Variants in NAT9 observed in about 807,000 individuals in gnomAD.
NAT9 encodes alpha/beta-tubulin-N-acetyltransferase 9.
A neutral mutation model predicts 24.0 loss-of-function variants in NAT9; 18 were observed. That is an observed-to-expected ratio of 0.75 (90% CI 0.52 to 1.11). The LOEUF (loss-of-function observed/expected upper bound fraction) is 1.11. NAT9 is among the 50% of genes most tolerant of loss of function. NAT9 has a pLI of 0.00. For missense variants in NAT9, 254 were observed against 258.6 expected, an observed-to-expected ratio of 0.98 and a Z score of 0.12; for synonymous variants, 104 against 102.3, an observed-to-expected ratio of 1.02 and a Z score of -0.10.
chr17:74,775,595 GC>G, intron 2 of NAT9, 26 bp downstream of exon 2: 1 of 1,599,108 alleles, frequency 6.3e-7, no homozygotes, highest in Non-Finnish European at 8.6e-7. Flanking sequence ...GTGCTGATAC[GC>G]ACCCCATGTC....
Position 74,772,187 on chromosome 17 carries a change from C to T in NAT9, c.394+31G>A, listed in dbSNP as rs759602450. On this transcript the variant is annotated intron_variant, in intron 5 of 6. Transcript: ENST00000357814. ...ACAAAGTTCACCTGGGGCCTGCCCACTTCCCGCATTGTCTGCTCACACTTT... is the reference window on the plus strand; with the variant it reads ...ACAAAGTTCACCTGGGGCCTGCCCATTTCCCGCATTGTCTGCTCACACTTT... 20 of 1,614,250 alleles carry T rather than the reference C, an allele frequency of 1.2e-5. No individual in the cohort carries two copies. In the South Asian group the frequency reaches 1.9e-4, roughly 15 times the overall value.
At position 74,772,221 on chromosome 17, in the gene NAT9, A is replaced by G. The variant is rs546848631; in HGVS notation, c.391T>C (p.Tyr131His). Residue 131 changes from tyrosine to histidine, a missense_variant, in exon 5 of 7, where the codon TAC becomes CAC. By Grantham distance (83) the Tyr-to-His change is moderately conservative. Transcript: ENST00000357814. ...GTEAVLAMLS[Y>H]GVTTLGLTKF... Reference sequence around the variant, plus strand: ...TTGTCTGCTCACACTTTCTTACCGTAAGACAGCATCGCGAGAACGGCCTCA... The same window carrying G: ...TTGTCTGCTCACACTTTCTTACCGTGAGACAGCATCGCGAGAACGGCCTCA... 4 of 1,614,230 alleles carry G rather than the reference A, an allele frequency of 2.5e-6. No individual in the cohort carries two copies. In the African/African-American group the frequency reaches 5.3e-5, roughly 22 times the overall value.
At position 74,773,470 on chromosome 17, in the gene NAT9, C is replaced by A. The variant is rs1429286611; in HGVS notation, c.190+106G>T. On this transcript the variant is annotated intron_variant, in intron 3 of 6. Transcript: ENST00000357814. The stretch of plus-strand genomic sequence containing the variant: ...GTTCCAGCACCTTCCAGGCTTTTCA[C>A]AAAGCTTCTATGGCCGGGGCTGGGA... 1.9e-5 allele frequency: 19 copies of A among 1,025,428 alleles called. No homozygotes were observed. In the Admixed American group the frequency reaches 3.1e-4, roughly 17 times the overall value. The allele number at this position is 1,025,428 out of a possible 1,614,324, so 63.5% of individuals were successfully genotyped here.
Position 74,771,775 on chromosome 17 carries a change from G to A in NAT9, c.573C>T (p.Thr191=), listed in dbSNP as rs894424062. The A allele has an allele frequency of 3.7e-6, 6 of 1,614,004 alleles. No individual in the cohort carries two copies. Among genetic ancestry groups the A allele is most frequent in the Non-Finnish European group, 5.1e-6 (6 of 1,180,040 alleles). The part of the protein sequence containing the change: ...ESEHQWLLEQ[T]SHVEEKPYRD... ...TGTAAGGCTTCTCTTCCACGTGGCT[G>A]GTCTGCTCCAGAAGCCACTGATGCT... The change falls in exon 7 of 7, where the codon ACC becomes ACT. Residue 191 remains threonine (T), a synonymous_variant. Coordinates refer to ENST00000357814, the MANE Select transcript of NAT9 (RefSeq NM_015654.5).
chr17:74,776,011 T>A (rs2036013271), intron 1 of NAT9: 1 of 279,514 alleles, frequency 3.6e-6, no homozygotes, highest in Non-Finnish European at 6.7e-6. Context: ...AGTACCAAAG[T>A]ATCCCCAGAG....
At chr17:74,775,347 C>G (rs1206531893) in intron 2 of NAT9, 3 of 318,038 alleles carry the variant, frequency 9.4e-6, no homozygotes, top group Non-Finnish European at 1.8e-5. Flanking sequence ...ACCACCATGC[C>G]TGGCTAATTT....
chr17:74,775,480 C>A (rs1292981550), intron 2 of NAT9, 142 bp downstream of exon 2: 6 of 665,276 alleles, frequency 9.0e-6, no homozygotes, highest in African/African-American at 3.7e-5. Context: ...TGAGCCACGG[C>A]ACCCAGCCTT....
Position 74,775,740 on chromosome 17 carries a change from G to A in NAT9, c.-9-33C>T, listed in dbSNP as rs73995859. 6.7e-5 allele frequency: 106 copies of A among 1,587,702 alleles called. No homozygotes were observed. In the African/African-American group the frequency reaches 1.2e-3, roughly 18 times the overall value. On this transcript the variant is annotated intron_variant, in intron 1 of 6. Coordinates refer to ENST00000357814, the MANE Select transcript of NAT9 (RefSeq NM_015654.5). ...CAGATGGGGAGAGCAAAGACTTCAGGACCCTGAATTTCCTCCAACTTTGGG... is the reference window on the plus strand; with the variant it reads ...CAGATGGGGAGAGCAAAGACTTCAGAACCCTGAATTTCCTCCAACTTTGGG...
In NAT9 at chr17:74,772,797, G is replaced by A. The variant is rs549242006; in HGVS notation, c.334+99C>T. On this transcript the variant is annotated intron_variant, in intron 4 of 6. Transcript: ENST00000357814. ...TGGACTCACCACATGGAGCCTCCCAGTGAACCCTGTGAGTGCCCACCCTTT... is the reference window on the plus strand; with the variant it reads ...TGGACTCACCACATGGAGCCTCCCAATGAACCCTGTGAGTGCCCACCCTTT... 4 of 1,540,200 alleles carry A rather than the reference G, an allele frequency of 2.6e-6. No homozygotes were observed. In the African/African-American group the frequency reaches 5.4e-5, roughly 21 times the overall value.
rs372358441 is a variant in NAT9, at chr17:74,775,494, TC to T, written c.77+127del. 20 of 774,424 alleles carry T rather than the reference TC, an allele frequency of 2.6e-5. 1 individual carries two copies. The highest frequency in any genetic ancestry group is 2.9e-4 in the Middle Eastern group (1 of 3,474). The allele number at this position is 774,424 out of a possible 1,614,324, so 48.0% of individuals were successfully genotyped here. On this transcript the variant is annotated intron_variant, in intron 2 of 6. Coordinates refer to ENST00000357814, the MANE Select transcript of NAT9 (RefSeq NM_015654.5). ...GTGAGCCACGGCACCCAGCCTTTTT[TC>T]CCCCCTCATATATAATTATTTCTCA... is the stretch of plus-strand genomic sequence containing the variant.
intron 2 of NAT9, among the ~76,000 whole-genome samples, chr17:74,774,599 G>A (rs1205708414): frequency 6.9e-6 from 1 of 144,128 alleles, no homozygotes; most frequent in Non-Finnish European, 1.5e-5. Flanking sequence ...CACCCAGGCT[G>A]GAGTGCAGTG....
In NAT9 at chr17:74,771,727, G is replaced by C. The variant is rs769083419; in HGVS notation, c.621C>G (p.Cys207Trp). The C allele has an allele frequency of 6.2e-7, 1 of 1,613,642 alleles. No individual in the cohort carries two copies. The highest frequency in any genetic ancestry group is 1.7e-5 in the Admixed American group (1 of 60,020). Residue 207 changes from cysteine (C) to tryptophan (W), a missense_variant, in exon 7 of 7, where the codon TGC becomes TGG. Cys to Trp is a radical substitution (Grantham distance 215). Coordinates refer to ENST00000357814, the MANE Select transcript of NAT9 (RefSeq NM_015654.5). ...GGCTGCCCACAAGGCCCAGCCATCA[G>C]CAGGGCTCTGCCGACCCATCTCTGT... Reference protein sequence around the residue: ...KPYRDGSAEPC With the variant: ...KPYRDGSAEPW
At chr17:74,773,953 T>G in intron 2 of NAT9, 1 of 343,972 alleles carries the variant, frequency 2.9e-6, no homozygotes, top group East Asian at 5.3e-5. Flanking sequence ...AAACCAAACA[T>G]TCTTCAAATT....
chr17:74,772,861 G>A (rs763865192), intron 4 of NAT9, 35 bp downstream of exon 4: 17 of 1,612,556 alleles, frequency 1.1e-5, no homozygotes, highest in Non-Finnish European at 1.4e-5. Context: ...CTGAGAGCCG[G>A]GAGTCAGCGG....
chr17:74,775,435 T>C, intron 2 of NAT9, 187 bp downstream of exon 2: 1 of 486,998 alleles, frequency 2.1e-6, no homozygotes, highest in Middle Eastern at 5.4e-4. Flanking sequence ...GCAATCCTCC[T>C]GCCACAGCCT....
intron 2 of NAT9, among the ~76,000 whole-genome samples, chr17:74,774,522 G>A (rs992075398): frequency 6.6e-6 from 1 of 150,784 alleles, no homozygotes; most frequent in African/African-American, 2.4e-5. Context: ...ATTAGAGACG[G>A]GGTTTCTCCA....
intron 2 of NAT9, among the ~76,000 whole-genome samples, chr17:74,774,848 C>CT (rs2035784861): frequency 7.1e-6 from 1 of 141,198 alleles, no homozygotes. Context: ...CTGCGCCCAG[C>CT]CTTTATTTTA....
At chr17:74,775,882 G>A (rs1457137452) in intron 1 of NAT9, 175 bp from the exon 2 acceptor site, 1 of 542,884 alleles carries the variant, frequency 1.8e-6, no homozygotes, top group East Asian at 3.0e-5. Flanking sequence ...GGCTGGTTAA[G>A]GATAATTAAA....
At chr17:74,773,954 T>C (rs183464026) in intron 2 of NAT9, 1 of 340,272 alleles carries the variant, frequency 2.9e-6, no homozygotes, top group South Asian at 3.6e-5. Flanking sequence ...AACCAAACAT[T>C]CTTCAAATTC....
Sources: gnomAD v4.1 joint callset for allele counts (sites outside exome capture counted in the v4.1 genomes callset) on GRCh38, gnomAD v4.1.1 for gene constraint, MANE v1.5 for transcripts, NCBI Gene and HGNC (gene_info 2026-07-23, HGNC 2026-07-21) for gene names.